Variants in CNTN5 observed in about 807,000 individuals in gnomAD.
CNTN5 encodes the protein contactin-5.
In CNTN5, 77 loss-of-function variants were observed where a neutral mutation model predicts 129.1. The observed-to-expected ratio is 0.60, with a 90% CI of 0.50 to 0.72. The LOEUF (loss-of-function observed/expected upper bound fraction) is 0.72. CNTN5 is among the 30% of genes least tolerant of loss of function. The pLI is 0.00. For missense variants in CNTN5, 1,478 were observed against 1,328.8 expected (o/e 1.11, Z -1.75); for synonymous variants, 509 against 465.6 (o/e 1.09, Z -1.20).
At chr11:99,839,591 A>G (rs532750921) in intron 4 of CNTN5, among the ~76,000 whole-genome samples, 1 of 152,294 alleles carries the variant, frequency 6.6e-6, no homozygotes, top group East Asian at 1.9e-4. Flanking sequence ...ATACAGACAT[A>G]TAACATCTAT....
chr11:99,774,378 A>G (rs1412151982), intron 3 of CNTN5, among the ~76,000 whole-genome samples: 5 of 151,784 alleles, frequency 3.3e-5, no homozygotes, highest in Non-Finnish European at 7.4e-5. Context: ...TGCCCTGTAA[A>G]AGGAGTTAAT....
At chr11:99,567,633 A>G (rs535320311) in intron 3 of CNTN5, among the ~76,000 whole-genome samples, 5 of 152,310 alleles carry the variant, frequency 3.3e-5, no homozygotes, top group African/African-American at 4.8e-5. Flanking sequence ...GCCTGCTAAT[A>G]TAAATTCTGA....
At chr11:99,423,397 C>T (rs890700588) in intron 2 of CNTN5, among the ~76,000 whole-genome samples, 1 of 152,122 alleles carries the variant, frequency 6.6e-6, no homozygotes, top group African/African-American at 2.4e-5. Context: ...AGAGATGGCT[C>T]CTTGGTCGTT....
intron 8 of CNTN5, among the ~76,000 whole-genome samples, chr11:99,986,836 G>C (rs529735455): frequency 6.6e-6 from 1 of 152,208 alleles, no homozygotes; most frequent in Non-Finnish European, 1.5e-5. Context: ...TGGGATAGAT[G>C]AAAGGGAATC....
intron 9 of CNTN5, among the ~76,000 whole-genome samples, chr11:100,010,744 A>C (rs1443238194): frequency 6.6e-6 from 1 of 151,962 alleles, no homozygotes; most frequent in African/African-American, 2.4e-5. Context: ...CTCTTAATCA[A>C]CTGCACCCCT....
rs117724619 is a variant in CNTN5 at position 100,151,566 on chromosome 11, G to C, written c.1581-39560G>C. On this transcript the variant is annotated intron_variant, in intron 13 of 24. Transcript: ENST00000524871. Reference sequence around the variant, plus strand: ...ATACTCCTAACGGGGCAAGCAACCCGGTACATCGACTTATAGGTTTCCCTA... The same window carrying C: ...ATACTCCTAACGGGGCAAGCAACCCCGTACATCGACTTATAGGTTTCCCTA... 9.6e-4 allele frequency among the ~76,000 whole-genome samples: 146 copies of C among 152,108 alleles called. 2 individuals carry two copies. In the East Asian group the frequency reaches 0.027, roughly 28 times the overall value.
chr11:99,624,962 G>T (rs636504), intron 3 of CNTN5, among the ~76,000 whole-genome samples: 1 of 151,910 alleles, frequency 6.6e-6, no homozygotes, highest in Non-Finnish European at 1.5e-5. Context: ...TTCACTTGAC[G>T]TGATCAGAGA....
chr11:99,208,705 G>A (rs1859607971), intron 1 of CNTN5, among the ~76,000 whole-genome samples: 1 of 152,022 alleles, frequency 6.6e-6, no homozygotes, highest in Non-Finnish European at 1.5e-5. Flanking sequence ...GAAATGGTGA[G>A]GGAAGTGGGA....
chr11:99,245,397 C>A (rs993303150), intron 1 of CNTN5, among the ~76,000 whole-genome samples: 20 of 152,158 alleles, frequency 1.3e-4, no homozygotes, highest in African/African-American at 4.8e-4. Context: ...TGGCTCACTG[C>A]AACCTCTGCC....
intron 8 of CNTN5, among the ~76,000 whole-genome samples, chr11:99,997,347 T>C (rs2137446026): frequency 6.6e-6 from 1 of 152,152 alleles, no homozygotes; most frequent in East Asian, 1.9e-4. Flanking sequence ...CAATTTTGGA[T>C]CAACTACCAT....
chr11:99,596,913 C>A (rs936284750), intron 3 of CNTN5, among the ~76,000 whole-genome samples: 1 of 151,988 alleles, frequency 6.6e-6, no homozygotes, highest in African/African-American at 2.4e-5. Flanking sequence ...AAAATGATGA[C>A]CTGTTCTGGT....
intron 8 of CNTN5, among the ~76,000 whole-genome samples, chr11:99,990,453 T>TACACACACACACACACACAC (rs550501632): frequency 3.5e-5 from 5 of 143,976 alleles, no homozygotes; most frequent in African/African-American, 1.3e-4. Flanking sequence ...AATATATATA[T>TACACACACACACACACACAC]ATACACACAC....
intron 2 of CNTN5, among the ~76,000 whole-genome samples, chr11:99,399,884 G>T (rs892373586): frequency 6.6e-6 from 1 of 151,478 alleles, no homozygotes; most frequent in African/African-American, 2.4e-5. Context: ...GTACATAGAA[G>T]GTGGATACAT....
chr11:100,294,775 C>A (rs768633367), intron 18 of CNTN5, among the ~76,000 whole-genome samples: 1 of 151,420 alleles, frequency 6.6e-6, no homozygotes, highest in South Asian at 2.1e-4. Flanking sequence ...ATAAGCGCTC[C>A]GAAAGATTAA....
At chr11:99,335,017 A>T (rs1565499256) in intron 2 of CNTN5, among the ~76,000 whole-genome samples, 2 of 152,124 alleles carry the variant, frequency 1.3e-5, no homozygotes, top group Non-Finnish European at 2.9e-5. Flanking sequence ...TTCCTCAGCA[A>T]TACTTCCTCT....
intron 15 of CNTN5, among the ~76,000 whole-genome samples, chr11:100,220,195 C>G (rs892249437): frequency 1.3e-5 from 2 of 151,568 alleles, no homozygotes; most frequent in African/African-American, 4.9e-5. Flanking sequence ...GAGAATGGTG[C>G]GAACCCGGGA....
chr11:99,079,118 A>G (rs1482428913), intron 1 of CNTN5, among the ~76,000 whole-genome samples: 1 of 152,130 alleles, frequency 6.6e-6, no homozygotes, highest in Non-Finnish European at 1.5e-5. Flanking sequence ...TTGTATGTCT[A>G]TAAACTTAAA....
chr11:99,985,261 T>C (rs1055187972), intron 8 of CNTN5, among the ~76,000 whole-genome samples: 4 of 152,084 alleles, frequency 2.6e-5, no homozygotes, highest in Admixed American at 6.6e-5. Flanking sequence ...ACTTGAAGGA[T>C]GGCAAAAGTG....
chr11:100,193,738 G>T, intron 15 of CNTN5, 75 bp downstream of exon 15: 1 of 1,246,964 alleles, frequency 8.0e-7, no homozygotes, highest in Non-Finnish European at 1.1e-6. Context: ...ACCTTGCTTA[G>T]CTATGAAGTG....
Sources: gnomAD v4.1 joint callset for allele counts (sites outside exome capture counted in the v4.1 genomes callset) on GRCh38, gnomAD v4.1.1 for gene constraint, MANE v1.5 for transcripts, NCBI Gene and HGNC (gene_info 2026-07-23, HGNC 2026-07-21) for gene names.